The following KLK11 variants were observed in gnomAD, a reference collection of about 807,000 sequenced individuals.
KLK11 encodes kallikrein related peptidase 11, also known as kallikrein-11.
In KLK11, 10 loss-of-function variants were observed where a neutral mutation model predicts 23.4. The observed-to-expected ratio is 0.43, with a 90% CI of 0.26 to 0.73. KLK11 has a LOEUF of 0.73. Among genes scored for constraint, KLK11 ranks in the 30% least tolerant of loss-of-function variants. The pLI, the probability that KLK11 is intolerant of heterozygous loss-of-function variation, is 0.22. For missense variants in KLK11, 285 were observed against 327.8 expected, an observed-to-expected ratio of 0.87 and a Z score of 1.01; for synonymous variants, 131 against 131.7, an observed-to-expected ratio of 0.99 and a Z score of 0.03.
chr19:51,027,195 CT>C, upstream of KLK11: 1 of 484,794 alleles, frequency 2.1e-6, no homozygotes. Context: ...CTGGCCTCCC[CT>C]AGGCCGCTCC....
At position 51,025,468 on chromosome 19, in the gene KLK11, T is replaced by C; in HGVS notation, c.40+124A>G. ...CAGGCCCTCATGACCACTGCTCCAG[T>C]TCAGGTGCCTTATGGGTTGTTCTGT... On this transcript the variant is annotated intron_variant, in intron 2 of 5. Transcript: ENST00000453757. This position sits in a 1 kb window ranked among gnomAD's most constrained non-coding sequence, Gnocchi z 6.2. 1.8e-6 allele frequency: 1 copy of C among 564,202 alleles called. No individual in the cohort carries two copies. The highest frequency in any genetic ancestry group is 3.0e-6 in the Non-Finnish European group (1 of 330,028). The allele number at this position is 564,202 out of a possible 1,614,324, so 34.9% of individuals were successfully genotyped here.
chr19:51,024,267 C>A lies in KLK11; in HGVS notation c.241G>T (p.Glu81Ter). ...HLGQHNLQKE[E>*]GCEQTRTATE... Reference sequence around the variant, plus strand: ...GCTGTCCGGGTCTGCTCACAGCCCTCCTCCTTCTGGAGGTTGTGCTGCCCC... The same window carrying A: ...GCTGTCCGGGTCTGCTCACAGCCCTACTCCTTCTGGAGGTTGTGCTGCCCC... Residue 81 changes from glutamate (E) to a stop codon, truncating the protein, a stop_gained, in exon 4 of 6, where the codon GAG becomes TAG. Coordinates refer to ENST00000453757, the MANE Select transcript of KLK11 (RefSeq NM_001136032.3). LOFTEE classifies it high-confidence loss of function. This position sits in a 1 kb window ranked among gnomAD's most constrained non-coding sequence, Gnocchi z 6.2. 1.2e-6 allele frequency: 2 copies of A among 1,613,998 alleles called. No homozygotes were observed. The highest frequency in any genetic ancestry group is 1.7e-6 in the Non-Finnish European group (2 of 1,179,984).
At chr19:51,026,292 C>G (rs73591965) in intron 1 of KLK11, among the ~76,000 whole-genome samples, 15 of 151,634 alleles carry the variant, frequency 9.9e-5, no homozygotes, top group African/African-American at 3.6e-4. Context: ...CAGTGCCCTC[C>G]GCTGCCCTGG....
chr19:51,024,359 T>TA lies in KLK11; in HGVS notation c.198-50_198-49insT, dbSNP rs1568571898. Reference sequence around the variant, plus strand: ...GGAGGAGGAAAGGTCGGGGGAGACATGGGTGGGAGAGGTGAGTGACACCTT... The same window carrying TA: ...GGAGGAGGAAAGGTCGGGGGAGACATAGGGTGGGAGAGGTGAGTGACACCTT... On this transcript the variant is annotated intron_variant, in intron 3 of 5. Transcript: ENST00000453757. The surrounding 1 kb of genome is among the most constrained non-coding windows in gnomAD (Gnocchi z 6.2). 15 of 1,594,240 alleles carry TA rather than the reference T, an allele frequency of 9.4e-6. No individual in the cohort carries two copies. Among genetic ancestry groups the TA allele is most frequent in the Non-Finnish European group, 1.7e-6 (2 of 1,171,708 alleles).
At chr19:51,023,056 G>T in intron 5 of KLK11, 36 bp downstream of exon 5, 1 of 1,569,654 alleles carries the variant, frequency 6.4e-7, no homozygotes, top group Non-Finnish European at 8.7e-7. Context: ...TGAAGCTGGG[G>T]ATGGGGATGG....
chr19:51,023,066 G>C, intron 5 of KLK11, 26 bp downstream of exon 5: 1 of 1,584,320 alleles, frequency 6.3e-7, no homozygotes, highest in Non-Finnish European at 8.6e-7. Flanking sequence ...GATGGGGATG[G>C]GGCTGTGGTT....
rs2091461816 is a variant in KLK11, at chr19:51,025,048, A to G, written c.41-254T>C. Reference sequence around the variant, plus strand: ...TAAGGTGGGAGGATTACTTGAGCCCAGGAGTTCTAGATCAGCCTAGGCAAA... The same window carrying G: ...TAAGGTGGGAGGATTACTTGAGCCCGGGAGTTCTAGATCAGCCTAGGCAAA... On this transcript the variant is annotated intron_variant, in intron 2 of 5. Transcript: ENST00000453757. This position sits in a 1 kb window ranked among gnomAD's most constrained non-coding sequence, Gnocchi z 6.2. 6.6e-6 allele frequency among the ~76,000 whole-genome samples: 1 copy of G among 152,170 alleles called. No individual in the cohort carries two copies. The highest frequency in any genetic ancestry group is 6.5e-5 in the Admixed American group (1 of 15,278).
Position 51,024,767 on chromosome 19 carries a change from A to T in KLK11, c.68T>A (p.Ile23Asn), listed in dbSNP as rs1325980213. Reference protein sequence around the residue: ...TGLVGGETRIIKGFECKPHSQ... With the variant: ...TGLVGGETRINKGFECKPHSQ... ...GTGAGGCTTGCACTCGAACCCCTTG[A>T]TGATCCTGGTCTCTCCCCCTACAAG... Residue 23 changes from isoleucine to asparagine, a missense_variant, in exon 3 of 6, where the codon ATC becomes AAC. Transcript: ENST00000453757. This position sits in a 1 kb window ranked among gnomAD's most constrained non-coding sequence, Gnocchi z 6.2. 4 of 1,599,906 alleles carry T rather than the reference A, an allele frequency of 2.5e-6. No individual in the cohort carries two copies. Among genetic ancestry groups the T allele is most frequent in the Non-Finnish European group, 3.4e-6 (4 of 1,175,530 alleles).
rs2091452324 is a variant in KLK11, at chr19:51,024,578, T to A, written c.197+60A>T. The A allele has an allele frequency of 2.8e-6, 4 of 1,433,470 alleles. No individual in the cohort carries two copies. The Admixed American group carries it at 7.9e-5, about 28-fold the overall frequency. The allele number at this position is 1,433,470 out of a possible 1,614,324, so 88.8% of individuals were successfully genotyped here. A position where few individuals can be genotyped will look rare whatever the true frequency, so the allele number is the denominator to read the frequency against. On this transcript the variant is annotated intron_variant, in intron 3 of 5. Transcript: ENST00000453757. This position sits in a 1 kb window ranked among gnomAD's most constrained non-coding sequence, Gnocchi z 6.2. ...CAGCACCCCTATCCCTGAGCTTCTCTCCATCCATCTCCCCATTCCCAGCCC... is the reference window on the plus strand; with the variant it reads ...CAGCACCCCTATCCCTGAGCTTCTCACCATCCATCTCCCCATTCCCAGCCC...
chr19:51,023,512 G>A, intron 4 of KLK11: 1 of 315,696 alleles, frequency 3.2e-6, no homozygotes, highest in Non-Finnish European at 5.8e-6. Flanking sequence ...AACCTCCCGA[G>A]TAGCTGGGAT....
At chr19:51,026,285 T>G (rs1348474514) in intron 1 of KLK11, among the ~76,000 whole-genome samples, 1 of 151,746 alleles carries the variant, frequency 6.6e-6, no homozygotes, top group Non-Finnish European at 1.5e-5. Flanking sequence ...GGAGGGCCAG[T>G]GCCCTCCGCT....
At position 51,024,454 on chromosome 19, in the gene KLK11, A is replaced by G. The variant is rs2091449468; in HGVS notation, c.198-144T>C. ...TCCCACCGAAGCCCCCTTCCCAGCC[A>G]TAGCCCCATCCCAACCCCATTCATC... On this transcript the variant is annotated intron_variant, in intron 3 of 5. Transcript: ENST00000453757. This position sits in a 1 kb window ranked among gnomAD's most constrained non-coding sequence, Gnocchi z 6.2. 2.3e-6 allele frequency: 3 copies of G among 1,324,618 alleles called. No individual in the cohort carries two copies. The highest frequency in any genetic ancestry group is 1.5e-5 in the African/African-American group (1 of 64,908). 82.1% of individuals were successfully genotyped at this position (1,324,618 alleles called of 1,614,324 possible).
chr19:51,023,940 C>T, intron 4 of KLK11, 105 bp downstream of exon 4: 2 of 1,020,632 alleles, frequency 2.0e-6, no homozygotes, highest in South Asian at 4.2e-5. Flanking sequence ...TCAACTTATC[C>T]CACATCGTCA....
In KLK11 at chr19:51,025,526, C is replaced by A; in HGVS notation, c.40+66G>T. On this transcript the variant is annotated intron_variant, in intron 2 of 5. Coordinates refer to ENST00000453757, the MANE Select transcript of KLK11 (RefSeq NM_001136032.3). This position sits in a 1 kb window ranked among gnomAD's most constrained non-coding sequence, Gnocchi z 6.2. ...AATCAGCCCTGTCACTGTCCAGACACAGAGGGTTAGGGGATCCCAGAGATT... is the reference window on the plus strand; with the variant it reads ...AATCAGCCCTGTCACTGTCCAGACAAAGAGGGTTAGGGGATCCCAGAGATT... The A allele has an allele frequency of 7.1e-6, 8 of 1,126,014 alleles. No individual in the cohort carries two copies. The highest frequency in any genetic ancestry group is 1.6e-5 in the South Asian group (1 of 62,270). 69.8% of individuals were successfully genotyped at this position (1,126,014 alleles called of 1,614,324 possible).
chr19:51,024,967 C>T lies in KLK11; in HGVS notation c.41-173G>A, dbSNP rs1296898910. Among the ~76,000 whole-genome samples, 1 of 152,104 alleles carries T rather than the reference C, an allele frequency of 6.6e-6. No individual in the cohort carries two copies. The highest frequency in any genetic ancestry group is 1.5e-5 in the Non-Finnish European group (1 of 68,010). ...GGTCGGGTATTAAAGGATGAAAATACTTCCATAAGGTCAAATGCAGTGGCT... is the reference window on the plus strand; with the variant it reads ...GGTCGGGTATTAAAGGATGAAAATATTTCCATAAGGTCAAATGCAGTGGCT... On this transcript the variant is annotated intron_variant, in intron 2 of 5. Transcript: ENST00000453757. This position sits in a 1 kb window ranked among gnomAD's most constrained non-coding sequence, Gnocchi z 6.2.
chr19:51,024,561 C>T lies in KLK11; in HGVS notation c.197+77G>A. 1 of 1,406,310 alleles carries T rather than the reference C, an allele frequency of 7.1e-7. No homozygotes were observed. The highest frequency in any genetic ancestry group is 9.4e-7 in the Non-Finnish European group (1 of 1,064,364). 87.1% of individuals were successfully genotyped at this position (1,406,310 alleles called of 1,614,324 possible). A position where few individuals can be genotyped will look rare whatever the true frequency, so the allele number is the denominator to read the frequency against. ...ATCTCTAATCCCCTTACCAGCACCC[C>T]TATCCCTGAGCTTCTCTCCATCCAT... On this transcript the variant is annotated intron_variant, in intron 3 of 5. Transcript: ENST00000453757. The surrounding 1 kb of genome is among the most constrained non-coding windows in gnomAD (Gnocchi z 6.2).
rs955006826 is a variant in KLK11 at position 51,026,576 on chromosome 19, G to A, written c.-74C>T. ...GGGGCTCTGGGGGCCCAGTGGCGGC[G>A]GAGACGGCAGTGGCGGCAGCTACAG... On this transcript the variant is annotated 5_prime_UTR_variant, in exon 1 of 6. Transcript: ENST00000453757. 78 of 986,614 alleles carry A rather than the reference G, an allele frequency of 7.9e-5. No individual in the cohort carries two copies. The highest frequency in any genetic ancestry group is 6.8e-4 in the East Asian group (6 of 8,836). The allele number at this position is 986,614 out of a possible 1,614,324, so 61.1% of individuals were successfully genotyped here. A position where few individuals can be genotyped will look rare whatever the true frequency, so the allele number is the denominator to read the frequency against.
Position 51,024,046 on chromosome 19 carries a change from C to G in KLK11, c.462G>C (p.Gln154His). Residue 154 changes from glutamine to histidine, a missense_variant and splice_region_variant, in exon 4 of 6, where the codon CAG becomes CAC. Coordinates refer to ENST00000453757, the MANE Select transcript of KLK11 (RefSeq NM_001136032.3). The surrounding 1 kb of genome is among the most constrained non-coding windows in gnomAD (Gnocchi z 6.2). ...CAGGTTCCCCTCTGGTGCTCCTACA[C>G]TGGGGGCTGGACGTGCTGCCCCAGC... is the stretch of plus-strand genomic sequence containing the variant. Reference protein sequence around the residue: ...ISGWGSTSSPQLRLPHTLRCA... With the variant: ...ISGWGSTSSPHLRLPHTLRCA... 6.5e-7 allele frequency: 1 copy of G among 1,533,698 alleles called. No individual in the cohort carries two copies. The highest frequency in any genetic ancestry group is 2.1e-4 in the Middle Eastern group (1 of 4,850).
rs149169261 is a variant in KLK11, at chr19:51,022,404, G to T, written c.*141C>A. On this transcript the variant is annotated 3_prime_UTR_variant, in exon 6 of 6. Transcript: ENST00000453757. ...TTTCGAACCCCAGGTTGATTATTAA[G>T]TGACAGCATCTCCTGTAGTCCAGGA... 8.3e-4 allele frequency: 769 copies of T among 928,264 alleles called. 5 individuals carry two copies. In the African/African-American group the frequency reaches 0.011, roughly 13 times the overall value. The allele number at this position is 928,264 out of a possible 1,614,324, so 57.5% of individuals were successfully genotyped here.
Sources: gnomAD v4.1 joint callset for allele counts (sites outside exome capture counted in the v4.1 genomes callset) on GRCh38, gnomAD v4.1.1 for gene constraint, Gnocchi (gnomAD v3.1) non-coding constraint, MANE v1.5 for transcripts, NCBI Gene and HGNC (gene_info 2026-07-23, HGNC 2026-07-21) for gene names.